Variants in LRFN5 observed in about 807,000 individuals in gnomAD.
The protein encoded by LRFN5 is leucine-rich repeat and fibronectin type-III domain-containing protein 5.
Under a neutral mutation model 45.6 loss-of-function variants are expected in LRFN5, and 24 were observed. The ratio of observed to expected loss-of-function variants is 0.53; its 90% CI spans 0.38 to 0.74. The LOEUF is 0.74. Ranked by LOEUF, LRFN5 falls within the 30% of genes least tolerant of loss-of-function variation. The pLI is 0.00. For missense variants in LRFN5, 776 were observed against 861.5 expected (o/e 0.90, Z 1.24); for synonymous variants, 340 against 313.8 (o/e 1.08, Z -0.88).
At chr14:41,765,431 A>T (rs1885848697) in intron 1 of LRFN5, among the ~76,000 whole-genome samples, 1 of 152,024 alleles carries the variant, frequency 6.6e-6, no homozygotes, top group African/African-American at 2.4e-5. Flanking sequence ...AAACGCACAC[A>T]CATACATACA....
chr14:41,793,853 G>A (rs1001747376), intron 2 of LRFN5, among the ~76,000 whole-genome samples: 10 of 151,982 alleles, frequency 6.6e-5, no homozygotes, highest in Non-Finnish European at 1.5e-4. Context: ...TTACTTTGGG[G>A]GTTCATCCAC....
At chr14:41,610,608 A>G (rs117883421) in intron 1 of LRFN5, among the ~76,000 whole-genome samples, 8,782 of 145,206 alleles carry the variant, frequency 0.06, 353 homozygotes, top group Non-Finnish European at 0.094. Flanking sequence ...GGAATGATAC[A>G]GAAGATATCT....
intron 1 of LRFN5, among the ~76,000 whole-genome samples, chr14:41,697,156 T>C (rs1221105649): frequency 1.3e-5 from 2 of 151,994 alleles, no homozygotes; most frequent in Admixed American, 1.3e-4. Flanking sequence ...ATCGTTATTA[T>C]TTCTTTCTTA....
chr14:41,757,664 C>T (rs567507058), intron 1 of LRFN5, among the ~76,000 whole-genome samples: 1 of 152,190 alleles, frequency 6.6e-6, no homozygotes, highest in South Asian at 2.1e-4. Flanking sequence ...TCACCCCTTT[C>T]TTTGACTAGG....
intron 1 of LRFN5, among the ~76,000 whole-genome samples, chr14:41,730,829 T>TA (rs886746806): frequency 4.0e-4 from 60 of 149,050 alleles, no homozygotes; most frequent in African/African-American, 8.8e-4. Flanking sequence ...GATGAGAGTT[T>TA]AAAAAAAAAA....
chr14:41,737,198 T>C (rs1187422022), intron 1 of LRFN5, among the ~76,000 whole-genome samples: 1 of 152,282 alleles, frequency 6.6e-6, no homozygotes, highest in East Asian at 1.9e-4. Context: ...TGGTTCAATA[T>C]ATGCAAATCA....
chr14:41,621,255 T>A (rs938206239), intron 1 of LRFN5, among the ~76,000 whole-genome samples: 6 of 152,090 alleles, frequency 3.9e-5, no homozygotes, highest in Non-Finnish European at 8.8e-5. Flanking sequence ...CAGTCTATAT[T>A]GGGAATGAGA....
rs1225991737 is a variant in LRFN5, at chr14:41,607,695, GC to G, written c.-1063del. 2.0e-5 allele frequency: 3 copies of G among 152,318 alleles called. No individual in the cohort carries two copies. Among genetic ancestry groups the G allele is most frequent in the Non-Finnish European group, 4.4e-5 (3 of 68,164 alleles). The allele number at this position is 152,318 out of a possible 1,614,324, so 9.4% of individuals were successfully genotyped here. Reference sequence around the variant, plus strand: ...CATTTTCCTGGCTGGATTTGGAGCGGCTGCTGGGCTGTGGACCCAGGTGTGT... The same window carrying G: ...CATTTTCCTGGCTGGATTTGGAGCGGTGCTGGGCTGTGGACCCAGGTGTGT... On this transcript the variant is annotated 5_prime_UTR_variant, in exon 1 of 6. It removes the in-frame stop codon of an upstream open reading frame in the 5' UTR. Coordinates refer to ENST00000298119, the MANE Select transcript of LRFN5 (RefSeq NM_152447.5).
At chr14:41,675,925 T>A (rs1442259624) in intron 1 of LRFN5, among the ~76,000 whole-genome samples, 1 of 152,110 alleles carries the variant, frequency 6.6e-6, no homozygotes, top group Non-Finnish European at 1.5e-5. Flanking sequence ...CTACAATAAC[T>A]TTATAAAAAC....
In LRFN5 at chr14:41,898,941, A is replaced by G; in HGVS notation, c.2123A>G (p.Gln708Arg). ...KPNALLTNVDQIVQETQRLEL... is the reference protein window; with the variant it reads ...KPNALLTNVDRIVQETQRLEL... ...GATGCTTTGCTGACTAATGTTGACC[A>G]GATTGTCCAGGAAACACAGGTGAGA... is the stretch of plus-strand genomic sequence containing the variant. Residue 708 changes from glutamine (Q) to arginine (R), a missense_variant, in exon 5 of 6, where the codon CAG (glutamine) becomes CGG (arginine). Around this residue, in one of 2 missense-constraint regions of LRFN5, gnomAD observed 465 missense variants for 456.4 expected, o/e 1.02. Coordinates refer to ENST00000298119, the MANE Select transcript of LRFN5 (RefSeq NM_152447.5). The G allele has an allele frequency of 1.9e-6, 3 of 1,611,432 alleles. No individual in the cohort carries two copies. The highest frequency in any genetic ancestry group is 2.5e-6 in the Non-Finnish European group (3 of 1,178,746).
At chr14:41,836,559 AT>A (rs1397297290) in intron 2 of LRFN5, among the ~76,000 whole-genome samples, 1 of 152,056 alleles carries the variant, frequency 6.6e-6, no homozygotes, top group East Asian at 1.9e-4. Context: ...GTTGCTTTTG[AT>A]TTGGGGAGTG....
At chr14:41,753,353 G>A (rs184844392) in intron 1 of LRFN5, among the ~76,000 whole-genome samples, 1 of 152,136 alleles carries the variant, frequency 6.6e-6, no homozygotes, top group Non-Finnish European at 1.5e-5. Context: ...AAATTACCTT[G>A]GGCAGTATGG....
At chr14:41,758,571 C>G (rs764257114) in intron 1 of LRFN5, among the ~76,000 whole-genome samples, 1 of 152,122 alleles carries the variant, frequency 6.6e-6, no homozygotes, top group Non-Finnish European at 1.5e-5. Context: ...AGTTTAATTT[C>G]TTATGTCCTT....
At position 41,607,638 on chromosome 14, in the gene LRFN5, G is replaced by C. The variant is rs575646374; in HGVS notation, c.-1121G>C. 6.6e-6 allele frequency: 1 copy of C among 152,390 alleles called. No individual in the cohort carries two copies. Among genetic ancestry groups the C allele is most frequent in the African/African-American group, 2.4e-5 (1 of 41,550 alleles). 9.4% of individuals were successfully genotyped at this position (152,390 alleles called of 1,614,324 possible). Reference sequence around the variant, plus strand: ...ACTCGGCGATGCCCCTTCATGCCCGGGTTCTTGCAGAGCTCTGAGGACGCC... The same window carrying C: ...ACTCGGCGATGCCCCTTCATGCCCGCGTTCTTGCAGAGCTCTGAGGACGCC... On this transcript the variant is annotated 5_prime_UTR_variant, in exon 1 of 6. Transcript: ENST00000298119.
intron 1 of LRFN5, among the ~76,000 whole-genome samples, chr14:41,714,314 A>C (rs1883400373): frequency 6.6e-6 from 1 of 152,164 alleles, no homozygotes; most frequent in Admixed American, 6.5e-5. Context: ...CTTCTCCTCA[A>C]GGACTTACAT....
chr14:41,850,336 G>A (rs1431415327), intron 2 of LRFN5, among the ~76,000 whole-genome samples: 2 of 151,798 alleles, frequency 1.3e-5, no homozygotes, highest in Non-Finnish European at 2.9e-5. Context: ...CAAGGCTGAG[G>A]TGTAGAGAAG....
intron 5 of LRFN5, among the ~76,000 whole-genome samples, chr14:41,902,220 C>T (rs1440439798): frequency 1.3e-5 from 2 of 151,790 alleles, no homozygotes; most frequent in Non-Finnish European, 1.5e-5. Flanking sequence ...CAGATTTTTG[C>T]ATGATATCCA....
At chr14:41,710,113 C>T (rs551475060) in intron 1 of LRFN5, among the ~76,000 whole-genome samples, 21 of 152,100 alleles carry the variant, frequency 1.4e-4, no homozygotes, top group Middle Eastern at 3.4e-3. Flanking sequence ...ATTTACAGCT[C>T]TTGAAGACTG....
intron 1 of LRFN5, among the ~76,000 whole-genome samples, chr14:41,683,829 T>G (rs1461618692): frequency 1.3e-5 from 2 of 152,174 alleles, no homozygotes; most frequent in African/African-American, 4.8e-5. Context: ...TATTCTCTGC[T>G]CATAGATGTG....
Sources: allele counts gnomAD v4.1 joint callset (sites outside exome capture counted in the v4.1 genomes callset), GRCh38; gene constraint gnomAD v4.1.1; regional missense constraint gnomAD v4.1.1; transcripts MANE v1.5; gene names NCBI Gene and HGNC (gene_info 2026-07-23, HGNC 2026-07-21).